Variants in TUBB8 observed in about 807,000 individuals in gnomAD.
The protein encoded by TUBB8 is tubulin beta 8 class VIII, also known as tubulin beta-8 chain.
A neutral mutation model predicts 33.7 loss-of-function variants in TUBB8; 25 were observed. The observed-to-expected ratio is 0.74, with a 90% CI of 0.54 to 1.04. The LOEUF is 1.04. TUBB8 is among the 50% of genes least tolerant of loss of function. TUBB8 has a pLI of 0.00. For missense variants in TUBB8, 279 were observed against 608.0 expected (o/e 0.46, Z 5.69); for synonymous variants, 245 against 240.1 (o/e 1.02, Z -0.19).
chr10:60,521 A>T (rs1834585374), intron 1 of TUBB8, among the ~76,000 whole-genome samples: 1 of 152,230 alleles, frequency 6.6e-6, no homozygotes, highest in Non-Finnish European at 1.5e-5. Flanking sequence ...TCAAAACCAC[A>T]ATGAGATACA....
chr10:59,652 A>C (rs1419171356), intron 1 of TUBB8, among the ~76,000 whole-genome samples: 1 of 152,204 alleles, frequency 6.6e-6, no homozygotes, highest in African/African-American at 2.4e-5. Flanking sequence ...ATATTCTCAA[A>C]TATGGGCCTG....
rs1188619200 is a variant in TUBB8, at chr10:48,741, G to A, written c.167-16C>T. ...TACCTGCCACCTGCGTGGGGCGGGA[G>A]GGCATGAGCGAGGGGAGGGCCGCGT... is the stretch of plus-strand genomic sequence containing the variant. On this transcript the variant is annotated splice_polypyrimidine_tract_variant and intron_variant, in intron 2 of 3. Coordinates refer to ENST00000568584, the MANE Select transcript of TUBB8 (RefSeq NM_177987.3). 1 of 1,605,566 alleles carries A rather than the reference G, an allele frequency of 6.2e-7. No homozygotes were observed. The highest frequency in any genetic ancestry group is 1.3e-5 in the African/African-American group (1 of 74,750).
chr10:54,945 A>G (rs1437895962), intron 1 of TUBB8, among the ~76,000 whole-genome samples: 1 of 152,114 alleles, frequency 6.6e-6, no homozygotes, highest in Non-Finnish European at 1.5e-5. Context: ...TTTAGTAGAG[A>G]CGGCGTTTCA....
intron 1 of TUBB8, among the ~76,000 whole-genome samples, chr10:57,459 T>A (rs1834546254): frequency 6.6e-6 from 1 of 152,262 alleles, no homozygotes; most frequent in Admixed American, 6.5e-5. Context: ...CTGCACACCC[T>A]GGCTTTTTTA....
chr10:67,154 T>G (rs72651759), intron 1 of TUBB8, among the ~76,000 whole-genome samples: 3 of 24,854 alleles, frequency 1.2e-4, no homozygotes, highest in Non-Finnish European at 2.5e-4. Flanking sequence ...TTTTTTGTTG[T>G]TTTTTTTTTT....
At chr10:63,159 C>T (rs1306910666) in intron 1 of TUBB8, among the ~76,000 whole-genome samples, 10 of 152,038 alleles carry the variant, frequency 6.6e-5, no homozygotes, top group South Asian at 2.1e-4. Context: ...CTGCAAGCTC[C>T]GCCTCCTGGG....
At chr10:49,124 C>T (rs1284066580) in intron 1 of TUBB8, 58 bp downstream of exon 1, 12 of 1,525,898 alleles carry the variant, frequency 7.9e-6, no homozygotes, top group Non-Finnish European at 9.7e-6. Flanking sequence ...CCACTGCCAA[C>T]ACCTTCCCCG....
At position 49,056 on chromosome 10, in the gene TUBB8, C is replaced by T. The variant is rs1207164782; in HGVS notation, c.57+126G>A. 4 of 1,322,956 alleles carry T rather than the reference C, an allele frequency of 3.0e-6. No homozygotes were observed. The African/African-American group carries it at 4.4e-5, about 14-fold the overall frequency. The allele number at this position is 1,322,956 out of a possible 1,614,324, so 82.0% of individuals were successfully genotyped here. A position where few individuals can be genotyped will look rare whatever the true frequency, so the allele number is the denominator to read the frequency against. On this transcript the variant is annotated intron_variant, in intron 1 of 3. Coordinates refer to ENST00000568584, the MANE Select transcript of TUBB8 (RefSeq NM_177987.3). ...CACCCCGGCCGCCTCGCCAGCCACCCGGTTCCACCGTCCCCGGCAGGGAGC... is the reference window on the plus strand; with the variant it reads ...CACCCCGGCCGCCTCGCCAGCCACCTGGTTCCACCGTCCCCGGCAGGGAGC...
intron 3 of TUBB8, 63 bp downstream of exon 3, chr10:48,552 C>T: frequency 6.8e-7 from 1 of 1,475,918 alleles, no homozygotes; most frequent in Non-Finnish European, 9.5e-7. Flanking sequence ...GACCTTAGCA[C>T]ACTCCTGGAT....
chr10:62,146 T>C (rs1208132996), intron 1 of TUBB8, among the ~76,000 whole-genome samples: 5 of 152,228 alleles, frequency 3.3e-5, no homozygotes, highest in Admixed American at 6.5e-5. Flanking sequence ...TGTTTTCTGA[T>C]TGACTTTTGT....
chr10:62,488 A>C (rs1554741028), intron 1 of TUBB8, among the ~76,000 whole-genome samples: 1 of 152,152 alleles, frequency 6.6e-6, no homozygotes, highest in Admixed American at 6.5e-5. Context: ...GTTATTTTTT[A>C]CTGGTTTATT....
At chr10:49,049 A>T (rs1379586864) in intron 1 of TUBB8, 133 bp downstream of exon 1, 7 of 1,085,722 alleles carry the variant, frequency 6.4e-6, no homozygotes, top group African/African-American at 1.9e-5. Flanking sequence ...CCGCCTCGCC[A>T]GCCACCCGGT....
chr10:53,479 A>G (rs1834493392), upstream of TUBB8, among the ~76,000 whole-genome samples: 1 of 152,242 alleles, frequency 6.6e-6, no homozygotes, highest in African/African-American at 2.4e-5. Context: ...CAGGGAGCTG[A>G]GCAAATTCAA....
At chr10:49,870 T>G, upstream of TUBB8, 1 of 229,270 alleles carries the variant, frequency 4.4e-6, no homozygotes, top group South Asian at 5.8e-5. Context: ...AAGGTCATAT[T>G]GGATTCTTAA....
intron 1 of TUBB8, among the ~76,000 whole-genome samples, chr10:63,804 T>A (rs1554741209): frequency 1.3e-5 from 2 of 152,228 alleles, no homozygotes; most frequent in Non-Finnish European, 2.9e-5. Flanking sequence ...CTTATTTAGC[T>A]TGTTTGGTGA....
Position 47,374 on chromosome 10 carries a change from A to T in TUBB8, c.1018T>A (p.Tyr340Asn). ...MFNIQDKNSS[Y>N]FADWLPNNVK... ...TTGTTGGGGAGCCAGTCAGCAAAGTAACTGCTGTTCTTATCTTGAATGTTG... is the reference window on the plus strand; with the variant it reads ...TTGTTGGGGAGCCAGTCAGCAAAGTTACTGCTGTTCTTATCTTGAATGTTG... The change falls in exon 4 of 4, where the codon TAC becomes AAC. Residue 340 changes from tyrosine to asparagine, a missense_variant. Tyr to Asn is a moderately radical substitution (Grantham distance 143). Around this residue, in one of 4 missense-constraint regions of TUBB8, gnomAD observed 123 missense variants for 228.9 expected, o/e 0.54. Transcript: ENST00000568584. 6.2e-7 allele frequency: 1 copy of T among 1,612,906 alleles called. No homozygotes were observed. Among genetic ancestry groups the T allele is most frequent in the Non-Finnish European group, 8.5e-7 (1 of 1,179,958 alleles).
chr10:58,377 T>G (rs1421322612), intron 1 of TUBB8, among the ~76,000 whole-genome samples: 2 of 151,122 alleles, frequency 1.3e-5, no homozygotes, highest in African/African-American at 2.5e-5. Flanking sequence ...TTTCAGGTAT[T>G]CTTATAACAA....
At chr10:71,821 G>A (rs1425493364) in intron 1 of TUBB8, among the ~76,000 whole-genome samples, 1 of 151,918 alleles carries the variant, frequency 6.6e-6, no homozygotes, top group East Asian at 1.9e-4. Context: ...GAGGCAGGAG[G>A]ATTGCTGGAG....
At chr10:74,410 C>G (rs577891964), upstream of TUBB8, among the ~76,000 whole-genome samples, 3 of 148,924 alleles carry the variant, frequency 2.0e-5, no homozygotes, top group African/African-American at 4.9e-5. Flanking sequence ...GCGGATCACT[C>G]GAGGTCAGGA....
Sources: gnomAD v4.1 joint callset for allele counts (sites outside exome capture counted in the v4.1 genomes callset) on GRCh38, gnomAD v4.1.1 for gene constraint, gnomAD v4.1.1 regional missense constraint, MANE v1.5 for transcripts, NCBI Gene and HGNC (gene_info 2026-07-23, HGNC 2026-07-21) for gene names.